FRYL: variants seen among roughly 807,000 people sequenced by gnomAD.
The protein encoded by FRYL is protein furry homolog-like.
Under a neutral mutation model 351.2 loss-of-function variants are expected in FRYL, and 150 were observed. That is an observed-to-expected ratio of 0.43 (90% confidence interval 0.37 to 0.49). The LOEUF (loss-of-function observed/expected upper bound fraction) is 0.49. Among genes scored for constraint, FRYL ranks in the 20% least tolerant of loss-of-function variants. FRYL has a pLI of 0.00. For synonymous variants in FRYL, 1,153 were observed against 1,257.1 expected (o/e 0.92, Z 1.75); for missense variants, 3,036 against 3,619.3 (o/e 0.84, Z 4.13).
At chr4:48,508,620 A>T (rs1721807573) in intron 59 of FRYL, among the ~76,000 whole-genome samples, 1 of 152,120 alleles carries the variant, frequency 6.6e-6, no homozygotes, top group African/African-American at 2.4e-5. Context: ...GCCTAGGGTC[A>T]CTCATGAGTC....
intron 1 of FRYL, among the ~76,000 whole-genome samples, chr4:48,747,255 G>C (rs1484067433): frequency 6.6e-6 from 1 of 151,680 alleles, no homozygotes; most frequent in Non-Finnish European, 1.5e-5. Context: ...GACAGTACTT[G>C]TTGGAGATAA....
At chr4:48,635,317 T>C (rs1026009735) in intron 3 of FRYL, among the ~76,000 whole-genome samples, 11 of 152,148 alleles carry the variant, frequency 7.2e-5, no homozygotes, top group Non-Finnish European at 4.4e-5. Context: ...AGGGAAAATG[T>C]AGACCCAGGG....
At position 48,557,008 on chromosome 4, in the gene FRYL, C is replaced by A; in HGVS notation, c.4236G>T (p.Gly1412=). 1 of 1,602,930 alleles carries A rather than the reference C, an allele frequency of 6.2e-7. No individual in the cohort carries two copies. The highest frequency in any genetic ancestry group is 8.5e-7 in the Non-Finnish European group (1 of 1,173,826). The stretch of plus-strand genomic sequence containing the variant: ...GCAAGAGGCTTGGTTCGCTATTCAC[C>A]CCACAAATGCTGATCAAAAAGTGCA... The part of the protein sequence containing the change: ...IILHFLISIC[G]VNSEPSLLPY... The change falls in exon 35 of 64, where the codon GGG becomes GGT. Residue 1412 remains glycine, a synonymous_variant. Coordinates refer to ENST00000358350, the MANE Select transcript of FRYL (RefSeq NM_015030.2).
At chr4:48,526,332 G>A (rs2148855829) in intron 53 of FRYL, among the ~76,000 whole-genome samples, 1 of 152,190 alleles carries the variant, frequency 6.6e-6, no homozygotes, top group South Asian at 2.1e-4. Context: ...AAACTTTCAG[G>A]GTTAAGAGAC....
At chr4:48,713,855 A>G (rs965976041) in intron 1 of FRYL, among the ~76,000 whole-genome samples, 3 of 152,144 alleles carry the variant, frequency 2.0e-5, no homozygotes, top group Non-Finnish European at 2.9e-5. Flanking sequence ...TTCCAAAATT[A>G]ACCACATAGT....
rs138772227 is a variant in FRYL at position 48,748,373 on chromosome 4, C to T, written c.-384+31705G>A. ...GATATAGCTAGCCACCTGAACATTACGTTTCCCAGCTTTCCTTATAATTGT... is the reference window on the plus strand; with the variant it reads ...GATATAGCTAGCCACCTGAACATTATGTTTCCCAGCTTTCCTTATAATTGT... On this transcript the variant is annotated intron_variant, in intron 1 of 63. Transcript: ENST00000358350. 5.9e-5 allele frequency among the ~76,000 whole-genome samples: 9 copies of T among 152,322 alleles called. No individual in the cohort carries two copies. The East Asian group carries it at 1.3e-3, about 23-fold the overall frequency.
At chr4:48,709,231 T>C (rs918847844) in intron 2 of FRYL, among the ~76,000 whole-genome samples, 1 of 152,200 alleles carries the variant, frequency 6.6e-6, no homozygotes, top group Non-Finnish European at 1.5e-5. Context: ...TAGGTATCTG[T>C]GTTTTTATAA....
chr4:48,703,417 C>A (rs1327909015), intron 2 of FRYL, among the ~76,000 whole-genome samples: 1 of 152,166 alleles, frequency 6.6e-6, no homozygotes, highest in Non-Finnish European at 1.5e-5. Context: ...CAATGGATTA[C>A]CCCTGCCACA....
At position 48,500,215 on chromosome 4, in the gene FRYL, G is replaced by A; in HGVS notation, c.8598C>T (p.Ile2866=). ...VNTIKNEAEV[I]NMSEELAQLE... is the part of the protein sequence containing the mutation. ...GTTGGGCAAGTTCCTCTGACATGTT[G>A]ATGACCTAAAACAAATACATCTTTA... Residue 2866 remains isoleucine, a synonymous_variant, in exon 63 of 64, where the codon ATC becomes ATT. Transcript: ENST00000358350. The A allele has an allele frequency of 1.3e-6, 2 of 1,570,560 alleles. No individual in the cohort carries two copies. The highest frequency in any genetic ancestry group is 1.2e-5 in the South Asian group (1 of 83,074).
At position 48,527,623 on chromosome 4, in the gene FRYL, C is replaced by T; in HGVS notation, c.7171G>A (p.Val2391Ile). 1.9e-6 allele frequency: 3 copies of T among 1,609,124 alleles called. No individual in the cohort carries two copies. Among genetic ancestry groups the T allele is most frequent in the Non-Finnish European group, 8.5e-7 (1 of 1,178,288 alleles). ...VVFSSNEDLE[V>I]GDQQTSLIST... ...ATTAGGCTAGTCTGTTGGTCACCGA[C>T]TTCCAAATCCTCATTAGAAGAAAAT... Residue 2391 changes from valine to isoleucine, a missense_variant, in exon 53 of 64, where the codon GTC becomes ATC. Val to Ile is a conservative substitution (Grantham distance 29, BLOSUM62 3). Transcript: ENST00000358350.
At chr4:48,717,781 T>C (rs955358103) in intron 1 of FRYL, among the ~76,000 whole-genome samples, 10 of 151,400 alleles carry the variant, frequency 6.6e-5, no homozygotes, top group African/African-American at 2.4e-4. Flanking sequence ...GCCTCAAGTG[T>C]TCCTCCTCCC....
chr4:48,645,124 TTATATA>T (rs36223183), intron 3 of FRYL, among the ~76,000 whole-genome samples: 4,413 of 105,452 alleles, frequency 0.042, 515 homozygotes, highest in Admixed American at 0.078. Context: ...AGCTTTCATT[TTATATA>T]TATATATATA....
chr4:48,569,878 T>A (rs1434577374), intron 27 of FRYL, among the ~76,000 whole-genome samples: 1 of 152,224 alleles, frequency 6.6e-6, no homozygotes, highest in East Asian at 1.9e-4. Context: ...AGTGGCATGG[T>A]CAAGGCTCAC....
chr4:48,721,369 T>TA (rs35291250), intron 1 of FRYL, among the ~76,000 whole-genome samples: 2 of 151,468 alleles, frequency 1.3e-5, no homozygotes, highest in East Asian at 3.9e-4. Context: ...TTTTTTTTTT[T>TA]AATGGTTGAG....
intron 18 of FRYL, 90 bp from the exon 19 acceptor site, chr4:48,586,818 G>T: frequency 1.3e-6 from 1 of 787,832 alleles, no homozygotes; most frequent in Non-Finnish European, 2.1e-6. Context: ...GAAAGTGCGA[G>T]TCCTCCCCTA....
chr4:48,719,027 T>C (rs1769178488), intron 1 of FRYL, among the ~76,000 whole-genome samples: 1 of 151,632 alleles, frequency 6.6e-6, no homozygotes, highest in African/African-American at 2.4e-5. Context: ...GTGGTCACTC[T>C]AACTGATCTT....
At chr4:48,559,208 T>C (rs1192700986) in intron 33 of FRYL, among the ~76,000 whole-genome samples, 1 of 152,140 alleles carries the variant, frequency 6.6e-6, no homozygotes, top group Admixed American at 6.5e-5. Flanking sequence ...ACAAAGATTC[T>C]ATCAAGACAT....
Position 48,512,274 on chromosome 4 carries a change from G to A in FRYL, c.8145+207C>T, listed in dbSNP as rs60469006. Among the ~76,000 whole-genome samples, 470 of 152,230 alleles carry A rather than the reference G, an allele frequency of 3.1e-3. 4 individuals are homozygous for A. Among genetic ancestry groups the A allele is most frequent in the African/African-American group, 0.011 (443 of 41,528 alleles). On this transcript the variant is annotated intron_variant, in intron 57 of 63. Transcript: ENST00000358350. ...TTGAAGTTTTATTCTAATTGCCTTAGGGGAGAAATCTCTACCAGTCATTGT... is the reference window on the plus strand; with the variant it reads ...TTGAAGTTTTATTCTAATTGCCTTAAGGGAGAAATCTCTACCAGTCATTGT...
chr4:48,634,240 T>C (rs1047156610), intron 4 of FRYL, 51 bp downstream of exon 4: 1 of 1,312,622 alleles, frequency 7.6e-7, no homozygotes, highest in African/African-American at 1.5e-5. Flanking sequence ...TTATAGTGGT[T>C]AATACAAAAG....
Sources: allele counts gnomAD v4.1 joint callset (sites outside exome capture counted in the v4.1 genomes callset), GRCh38; gene constraint gnomAD v4.1.1; transcripts MANE v1.5; gene names NCBI Gene and HGNC (gene_info 2026-07-23, HGNC 2026-07-21).